The following CEP85L variants were observed in gnomAD, a reference collection of about 807,000 sequenced individuals.
The protein encoded by CEP85L is centrosomal protein 85L, also known as centrosomal protein of 85 kDa-like.
CEP85L carries 60 observed loss-of-function variants against 100.3 expected under a neutral mutation model. The observed-to-expected ratio is 0.60, with a 90% CI of 0.49 to 0.74. CEP85L has a LOEUF of 0.74. Ranked by LOEUF, CEP85L falls within the 30% of genes least tolerant of loss-of-function variation. The probability of loss-of-function intolerance (pLI) is 0.00; values close to 1 mark genes in which losing one functional copy is unlikely to be tolerated. For missense variants in CEP85L, 973 were observed against 936.2 expected, an observed-to-expected ratio of 1.04 and a Z score of -0.51; for synonymous variants, 319 against 322.7, an observed-to-expected ratio of 0.99 and a Z score of 0.12.
intron 1 of CEP85L, among the ~76,000 whole-genome samples, chr6:118,644,150 TG>T (rs960488119): frequency 2.0e-5 from 3 of 152,238 alleles, no homozygotes; most frequent in African/African-American, 7.2e-5. Context: ...ACTGGCCAAA[TG>T]CATTGATGCA....
intron 1 of CEP85L, among the ~76,000 whole-genome samples, chr6:118,646,182 A>G (rs182684740): frequency 1.3e-5 from 2 of 152,126 alleles, no homozygotes; most frequent in African/African-American, 4.8e-5. Context: ...GCGCCATTGC[A>G]CTCCAGCCTG....
Position 118,708,495 on chromosome 6 carries a change from T to C in CEP85L, c.-28+1541A>G, listed in dbSNP as rs192198623. Among the ~76,000 whole-genome samples the C allele has an allele frequency of 8.6e-4, 131 of 152,356 alleles. 1 individual carries two copies. The highest frequency in any genetic ancestry group is 3.1e-3 in the African/African-American group (128 of 41,586). ...TAATAAAAGTCACAGGTACTCTAGT[T>C]ACTCTAGTGGCAGTGGAGACAGAAT... On this transcript the variant is annotated intron_variant, in intron 1 of 13. Transcript: ENST00000368488.
chr6:118,498,325 T>C (rs1170340282), intron 5 of CEP85L, among the ~76,000 whole-genome samples: 1 of 151,856 alleles, frequency 6.6e-6, no homozygotes, highest in African/African-American at 2.4e-5. Flanking sequence ...GAGACCCCCA[T>C]ATCTACAAAA....
At chr6:118,604,744 C>G (rs891888393) in intron 2 of CEP85L, among the ~76,000 whole-genome samples, 2 of 151,970 alleles carry the variant, frequency 1.3e-5, no homozygotes, top group African/African-American at 4.8e-5. Flanking sequence ...AATGGCTTTA[C>G]GGTAGGCAAA....
intron 6 of CEP85L, among the ~76,000 whole-genome samples, chr6:118,490,601 C>T (rs182372569): frequency 4.5e-4 from 68 of 152,126 alleles, no homozygotes; most frequent in African/African-American, 1.6e-3. Context: ...AGGTATTTAT[C>T]CAAGATAAAT....
chr6:118,462,441 T>G lies in CEP85L; in HGVS notation c.*2964A>C, dbSNP rs976889595. On this transcript the variant is annotated 3_prime_UTR_variant, in exon 13 of 13. Transcript: ENST00000368491. The stretch of plus-strand genomic sequence containing the variant: ...TTTATCTGTACAGGCAATTTGGGTC[T>G]TTCATTGAGTCAACTGTTACTTTAT... 2.0e-5 allele frequency: 3 copies of G among 152,044 alleles called. No individual in the cohort carries two copies. The highest frequency in any genetic ancestry group is 4.4e-5 in the Non-Finnish European group (3 of 67,902). 9.4% of individuals were successfully genotyped at this position (152,044 alleles called of 1,614,324 possible).
chr6:118,484,562 A>G (rs1774035458), intron 6 of CEP85L, among the ~76,000 whole-genome samples: 2 of 152,226 alleles, frequency 1.3e-5, no homozygotes, highest in Non-Finnish European at 2.9e-5. Context: ...AATGATGTCT[A>G]AAATGCCTAA....
At chr6:118,635,773 A>G (rs921427828) in intron 1 of CEP85L, among the ~76,000 whole-genome samples, 5 of 152,198 alleles carry the variant, frequency 3.3e-5, no homozygotes, top group African/African-American at 1.2e-4. Flanking sequence ...TTGATTGTTG[A>G]CAAGTCTTGG....
chr6:118,504,068 G>C (rs1426276292), intron 5 of CEP85L, among the ~76,000 whole-genome samples: 1 of 152,074 alleles, frequency 6.6e-6, no homozygotes, highest in Non-Finnish European at 1.5e-5. Flanking sequence ...AAAAAAACCT[G>C]TTATCCAAAA....
chr6:118,650,856 A>G (rs1437417233), intron 1 of CEP85L, among the ~76,000 whole-genome samples: 2 of 152,192 alleles, frequency 1.3e-5, no homozygotes, highest in Non-Finnish European at 2.9e-5. Context: ...AAGCCCCGTT[A>G]TCACGCAGGT....
In CEP85L at chr6:118,462,700, C is replaced by T. The variant is rs1006535686; in HGVS notation, c.*2705G>A. The T allele has an allele frequency of 6.6e-6, 1 of 151,946 alleles. No individual in the cohort carries two copies. Among genetic ancestry groups the T allele is most frequent in the Non-Finnish European group, 1.5e-5 (1 of 67,870 alleles). The allele number at this position is 151,946 out of a possible 1,614,324, so 9.4% of individuals were successfully genotyped here. On this transcript the variant is annotated 3_prime_UTR_variant, in exon 13 of 13. Transcript: ENST00000368491. ...CATAACTTCCACGAACATCCTAGTT[C>T]AAACTGGGTGAGATGCTCTAGTGTT...
intron 1 of CEP85L, among the ~76,000 whole-genome samples, chr6:118,675,176 GGA>G (rs747215961): frequency 0.047 from 7,029 of 151,052 alleles, 195 homozygotes; most frequent in Admixed American, 0.061. Flanking sequence ...GCTACAACAT[GGA>G]TGAACTTTGA....
At chr6:118,551,849 G>A (rs993382072) in intron 3 of CEP85L, among the ~76,000 whole-genome samples, 3 of 151,912 alleles carry the variant, frequency 2.0e-5, no homozygotes, top group African/African-American at 7.2e-5. Context: ...TTAGTATTAG[G>A]CAATCTCAAA....
In CEP85L at chr6:118,620,878, C is replaced by T. The variant is rs568972526; in HGVS notation, c.232+11575G>A. 4.6e-5 allele frequency among the ~76,000 whole-genome samples: 7 copies of T among 152,312 alleles called. No homozygotes were observed. In the South Asian group the frequency reaches 1.5e-3, roughly 32 times the overall value. ...CTCTTTTCACGTCTTTCTTATCATGCCTGAAAGTCCCACACCCTTATTAAG... is the reference window on the plus strand; with the variant it reads ...CTCTTTTCACGTCTTTCTTATCATGTCTGAAAGTCCCACACCCTTATTAAG... On this transcript the variant is annotated intron_variant, in intron 2 of 12. Coordinates refer to ENST00000368491, the MANE Select transcript of CEP85L (RefSeq NM_001042475.3).
chr6:118,686,669 C>T (rs955631815), intron 1 of CEP85L, among the ~76,000 whole-genome samples: 1 of 152,080 alleles, frequency 6.6e-6, no homozygotes, highest in African/African-American at 2.4e-5. Flanking sequence ...GTAATTCTGC[C>T]AAGAACACTT....
At chr6:118,544,935 C>T (rs1778108808) in intron 3 of CEP85L, among the ~76,000 whole-genome samples, 1 of 152,000 alleles carries the variant, frequency 6.6e-6, no homozygotes, top group Non-Finnish European at 1.5e-5. Context: ...TTTTTTGAAC[C>T]AGTCCTTCCC....
chr6:118,598,086 C>T (rs1781546145), intron 2 of CEP85L, among the ~76,000 whole-genome samples: 1 of 152,214 alleles, frequency 6.6e-6, no homozygotes, highest in Non-Finnish European at 1.5e-5. Context: ...GATTTGCTTA[C>T]AGCAGCTTTA....
chr6:118,642,502 A>T (rs1277406262), intron 1 of CEP85L, among the ~76,000 whole-genome samples: 1 of 152,236 alleles, frequency 6.6e-6, no homozygotes, highest in Non-Finnish European at 1.5e-5. Context: ...TTAAGCAGTC[A>T]CTGAAGATGC....
chr6:118,609,284 C>T (rs946421549), intron 2 of CEP85L, among the ~76,000 whole-genome samples: 1 of 151,974 alleles, frequency 6.6e-6, no homozygotes, highest in African/African-American at 2.4e-5. Flanking sequence ...TCTTTTTTTG[C>T]TCCATATAAT....
Sources: gnomAD v4.1 joint callset for allele counts (sites outside exome capture counted in the v4.1 genomes callset) on GRCh38, gnomAD v4.1.1 for gene constraint, MANE v1.5 for transcripts, NCBI Gene and HGNC (gene_info 2026-07-23, HGNC 2026-07-21) for gene names.